CFAP47: variants seen among roughly 807,000 people sequenced by gnomAD.
CFAP47 encodes cilia and flagella associated protein 47, also known as cilia- and flagella-associated protein 47.
Under a neutral mutation model 148.1 loss-of-function variants are expected in CFAP47, and 29 were observed. The ratio of observed to expected loss-of-function variants is 0.20; its 90% CI spans 0.15 to 0.27. The LOEUF is 0.27. Ranked by LOEUF, CFAP47 falls within the 10% of genes least tolerant of loss-of-function variation. The pLI is 1.00. For missense variants in CFAP47, 1,872 were observed against 1,697.5 expected (o/e 1.10, Z -1.81); for synonymous variants, 664 against 577.3 (o/e 1.15, Z -2.15).
chrX:36,211,603 C>A, intron 45 of CFAP47: 3 of 241,617 alleles, frequency 1.2e-5, no homozygotes, highest in East Asian at 1.2e-4. Context: ...GCATATCAAG[C>A]TAAAGGAAAG....
At chrX:35,921,378 G>T (rs1043772319) in intron 1 of CFAP47, among the ~76,000 whole-genome samples, 1 of 112,068 alleles carries the variant, frequency 8.9e-6, no homozygotes, top group Non-Finnish European at 1.9e-5. Flanking sequence ...GCTTACTCCA[G>T]ACACTGTAAA....
At chrX:36,263,643 T>C (rs988129885) in intron 49 of CFAP47, among the ~76,000 whole-genome samples, 2 of 111,629 alleles carry the variant, frequency 1.8e-5, no homozygotes, top group African/African-American at 6.5e-5. Flanking sequence ...AGTCAGCTTG[T>C]GGTGAATGCT....
chrX:36,206,874 G>A (rs1336848584), intron 45 of CFAP47, among the ~76,000 whole-genome samples: 8 of 111,650 alleles, frequency 7.2e-5, no homozygotes, highest in Admixed American at 2.9e-4. Context: ...TTAATAAAAC[G>A]TTTTAAATGT....
Position 36,250,525 on chromosome X carries a change from C to T in CFAP47, c.7333-808C>T, listed in dbSNP as rs1472123764. Among the ~76,000 whole-genome samples the T allele has an allele frequency of 4.5e-5, 5 of 110,008 alleles. No homozygotes were observed. The South Asian group carries it at 1.5e-3, about 33-fold the overall frequency. ...AGCATGGTTATGATAATTATAACAA[C>T]GTACTGTATTCTTGAAAAGAGCTGA... is the stretch of plus-strand genomic sequence containing the variant. On this transcript the variant is annotated intron_variant, in intron 48 of 63. Coordinates refer to ENST00000378653, the MANE Select transcript of CFAP47 (RefSeq NM_001304548.2).
At chrX:36,308,452 T>G (rs7885728) in intron 55 of CFAP47, among the ~76,000 whole-genome samples, 681 of 111,822 alleles carry the variant, frequency 6.1e-3, no homozygotes, top group African/African-American at 0.021. Context: ...AATCATTTAG[T>G]TCTTCCTCTT....
chrX:36,074,561 T>C (rs190184238), intron 29 of CFAP47, among the ~76,000 whole-genome samples: 1 of 111,937 alleles, frequency 8.9e-6, no homozygotes, highest in Admixed American at 9.5e-5. Flanking sequence ...TTCATAAACA[T>C]ATTTTGGGAT....
chrX:35,965,605 C>T lies in CFAP47; in HGVS notation c.1411-960C>T, dbSNP rs1311119562. Among the ~76,000 whole-genome samples, 3 of 111,320 alleles carry T rather than the reference C, an allele frequency of 2.7e-5. No homozygotes were observed. The East Asian group carries it at 8.4e-4, about 31-fold the overall frequency. The stretch of plus-strand genomic sequence containing the variant: ...TTCTTTTAGCCTTAAATGGTAATGC[C>T]ACCTCAAGTTACTGAGAAGTTAAAA... On this transcript the variant is annotated intron_variant, in intron 8 of 63. Transcript: ENST00000378653.
chrX:36,005,785 C>T (rs779580617), intron 21 of CFAP47, among the ~76,000 whole-genome samples: 12 of 110,220 alleles, frequency 1.1e-4, no homozygotes, highest in Non-Finnish European at 1.9e-4. Flanking sequence ...TTTTAAAAAC[C>T]CTCTAAATAA....
chrX:36,270,551 A>G (rs1381330584), intron 49 of CFAP47, among the ~76,000 whole-genome samples: 2 of 102,841 alleles, frequency 1.9e-5, no homozygotes, highest in Non-Finnish European at 3.9e-5. Flanking sequence ...TAAAATTTGT[A>G]TATATATATA....
At chrX:36,012,199 T>C (rs1052554248) in intron 21 of CFAP47, among the ~76,000 whole-genome samples, 5 of 111,486 alleles carry the variant, frequency 4.5e-5, no homozygotes, top group Non-Finnish European at 9.4e-5. Context: ...GAAATAGGAA[T>C]GCTTTTACAC....
At chrX:36,272,803 T>C (rs1265650919) in intron 49 of CFAP47, among the ~76,000 whole-genome samples, 1 of 111,851 alleles carries the variant, frequency 8.9e-6, no homozygotes, top group Non-Finnish European at 1.9e-5. Flanking sequence ...ATTCTTGTTT[T>C]AATTCCATTT....
chrX:36,068,112 A>G (rs1221703242), intron 27 of CFAP47, among the ~76,000 whole-genome samples: 1 of 112,233 alleles, frequency 8.9e-6, no homozygotes, highest in African/African-American at 3.2e-5. Context: ...TGCTCAAGCC[A>G]CATTAATCTT....
intron 38 of CFAP47, 138 bp downstream of exon 38, chrX:36,159,714 G>C: frequency 3.6e-6 from 1 of 280,863 alleles, no homozygotes; most frequent in East Asian, 5.0e-5. Context: ...TGTGATTTAA[G>C]TTAAAGCAGT....
intron 51 of CFAP47, among the ~76,000 whole-genome samples, chrX:36,292,393 C>T (rs782077052): frequency 6.3e-5 from 7 of 111,391 alleles, no homozygotes; most frequent in African/African-American, 1.3e-4. Context: ...TTCAAAATAC[C>T]CATTAGTTGT....
intron 39 of CFAP47, among the ~76,000 whole-genome samples, chrX:36,170,958 G>A (rs1486646793): frequency 1.8e-5 from 2 of 109,587 alleles, no homozygotes; most frequent in Non-Finnish European, 3.8e-5. Flanking sequence ...TCCGGCACCT[G>A]TTGTTTCCTG....
At chrX:36,266,015 G>A (rs782539978) in intron 49 of CFAP47, among the ~76,000 whole-genome samples, 25 of 112,220 alleles carry the variant, frequency 2.2e-4, no homozygotes, top group African/African-American at 7.5e-4. Context: ...CTATCCATGA[G>A]TGACTGGTAC....
chrX:36,082,384 G>C (rs1302472704), intron 29 of CFAP47, among the ~76,000 whole-genome samples: 7 of 111,316 alleles, frequency 6.3e-5, no homozygotes, highest in Admixed American at 1.9e-4. Flanking sequence ...AGTAGCCCTG[G>C]AAATAGACAA....
At chrX:36,188,241 C>A (rs1483108632) in intron 40 of CFAP47, among the ~76,000 whole-genome samples, 1 of 111,531 alleles carries the variant, frequency 9.0e-6, no homozygotes, top group Non-Finnish European at 1.9e-5. Flanking sequence ...TTTCTAGAAC[C>A]ACTTTTGGAA....
At chrX:36,347,459 C>T (rs1941707419) in intron 57 of CFAP47, among the ~76,000 whole-genome samples, 1 of 112,091 alleles carries the variant, frequency 8.9e-6, no homozygotes. Flanking sequence ...ATAAATCCTT[C>T]TATGATAAAG....
Sources: allele counts gnomAD v4.1 joint callset (sites outside exome capture counted in the v4.1 genomes callset), GRCh38; gene constraint gnomAD v4.1.1; transcripts MANE v1.5; gene names NCBI Gene and HGNC (gene_info 2026-07-23, HGNC 2026-07-21).